Variants in LRRTM3 observed in about 807,000 individuals in gnomAD.
The protein encoded by LRRTM3 is leucine-rich repeat transmembrane neuronal protein 3.
LRRTM3 carries 24 observed loss-of-function variants against 44.7 expected under a neutral mutation model. The observed-to-expected ratio is 0.54, with a 90% CI of 0.39 to 0.76. LRRTM3 has a LOEUF of 0.76. LRRTM3 is among the 30% of genes least tolerant of loss of function. The probability of loss-of-function intolerance (pLI) is 0.00; values close to 1 mark genes in which losing one functional copy is unlikely to be tolerated. For synonymous variants in LRRTM3, 277 were observed against 278.7 expected (o/e 0.99, Z 0.06); for missense variants, 587 against 702.2 (o/e 0.84, Z 1.85).
At chr10:67,017,441 C>A (rs1852725692) in intron 2 of LRRTM3, among the ~76,000 whole-genome samples, 1 of 152,258 alleles carries the variant, frequency 6.6e-6, no homozygotes. Context: ...AAAAAGAAAT[C>A]TACTCTGTGA....
intron 2 of LRRTM3, among the ~76,000 whole-genome samples, chr10:67,018,502 G>A (rs1346694673): frequency 6.6e-6 from 1 of 152,304 alleles, no homozygotes; most frequent in African/African-American, 2.4e-5. Context: ...TTATAAACAT[G>A]TTTGGGAACA....
chr10:67,072,252 CCTGT>C (rs1227642572), intron 2 of LRRTM3, among the ~76,000 whole-genome samples: 21 of 152,180 alleles, frequency 1.4e-4, no homozygotes, highest in African/African-American at 5.1e-4. Context: ...CCATGCCCAA[CCTGT>C]TTGATTATTT....
chr10:67,006,679 C>A (rs1020609007), intron 2 of LRRTM3, among the ~76,000 whole-genome samples: 6 of 152,084 alleles, frequency 3.9e-5, no homozygotes, highest in Admixed American at 6.6e-5. Flanking sequence ...ATGATGCCAT[C>A]AGCACACTAT....
intron 2 of LRRTM3, among the ~76,000 whole-genome samples, chr10:66,951,226 C>T (rs1244849393): frequency 1.3e-5 from 2 of 151,878 alleles, no homozygotes; most frequent in African/African-American, 4.8e-5. Context: ...AGCGATTCTC[C>T]TGCCTCAGCC....
At chr10:66,974,976 A>G (rs1008398228) in intron 2 of LRRTM3, among the ~76,000 whole-genome samples, 1 of 152,202 alleles carries the variant, frequency 6.6e-6, no homozygotes, top group African/African-American at 2.4e-5. Context: ...TAAAATCCAC[A>G]GATGCAATTC....
rs567607313 is a variant in LRRTM3, at chr10:66,927,923, A to C, written c.1007A>C (p.Asn336Thr). ...AAAAGTTTTAAAGGTCTAAGGGAGA[A>C]TACAATTATCTGTGCCAGTCCCAAA... ...WLKSFKGLRE[N>T]TIICASPKEL... Residue 336 changes from asparagine (N) to threonine (T), a missense_variant, in exon 2 of 3, where the codon AAT becomes ACT. Transcript: ENST00000361320. This position sits in a 1 kb window ranked among gnomAD's most constrained non-coding sequence, Gnocchi z 4.7. The C allele has an allele frequency of 1.7e-4, 277 of 1,614,248 alleles. 3 individuals carry two copies. In the South Asian group the frequency reaches 2.6e-3, roughly 15 times the overall value.
intron 2 of LRRTM3, among the ~76,000 whole-genome samples, chr10:66,944,711 T>C (rs982896343): frequency 6.6e-6 from 1 of 152,214 alleles, no homozygotes; most frequent in Non-Finnish European, 1.5e-5. Context: ...AAGAGACTTA[T>C]AAAAGGTATT....
At chr10:66,973,090 T>C (rs1849818155) in intron 2 of LRRTM3, among the ~76,000 whole-genome samples, 1 of 152,242 alleles carries the variant, frequency 6.6e-6, no homozygotes, top group Non-Finnish European at 1.5e-5. Flanking sequence ...CTTTTTTTAT[T>C]GCTTCTCAGC....
rs140047073 is a variant in LRRTM3, at chr10:67,070,286, G to A, written c.1537-27301G>A. On this transcript the variant is annotated intron_variant, in intron 2 of 2. Coordinates refer to ENST00000361320, the MANE Select transcript of LRRTM3 (RefSeq NM_178011.5). The stretch of plus-strand genomic sequence containing the variant: ...CTTTTTTATTTGCAGGAGTTCTTAT[G>A]TAATCTGAATGAGTCATTTGTCAGA... Among the ~76,000 whole-genome samples the A allele has an allele frequency of 5.9e-5, 9 of 152,118 alleles. No individual in the cohort carries two copies. The East Asian group carries it at 1.3e-3, about 23-fold the overall frequency.
chr10:67,045,734 G>GC (rs1288864772), intron 2 of LRRTM3, among the ~76,000 whole-genome samples: 2 of 152,074 alleles, frequency 1.3e-5, no homozygotes, highest in Admixed American at 6.5e-5. Context: ...ACCAGCCAAG[G>GC]CCCCCCTCTG....
At chr10:67,014,318 T>C (rs59102106) in intron 2 of LRRTM3, among the ~76,000 whole-genome samples, 1 of 152,130 alleles carries the variant, frequency 6.6e-6, no homozygotes, top group South Asian at 2.1e-4. Flanking sequence ...TTTATGTCAT[T>C]CTGTTTTGTT....
chr10:66,929,730 G>A (rs1847265198), intron 2 of LRRTM3, among the ~76,000 whole-genome samples: 1 of 152,206 alleles, frequency 6.6e-6, no homozygotes, highest in African/African-American at 2.4e-5. Context: ...GTTCTGTACA[G>A]ACCCTGTTGG....
At chr10:67,042,795 A>G (rs1193468279) in intron 2 of LRRTM3, among the ~76,000 whole-genome samples, 2 of 152,192 alleles carry the variant, frequency 1.3e-5, no homozygotes, top group African/African-American at 4.8e-5. Flanking sequence ...CCATGGTGTC[A>G]GTTGTCAATG....
chr10:67,088,093 G>T (rs1032249719), intron 2 of LRRTM3, among the ~76,000 whole-genome samples: 3 of 151,808 alleles, frequency 2.0e-5, no homozygotes, highest in Non-Finnish European at 4.4e-5. Context: ...AAGAGTGAGA[G>T]AGTAAGTGAG....
intron 2 of LRRTM3, among the ~76,000 whole-genome samples, chr10:67,042,466 T>C (rs1854457138): frequency 6.6e-6 from 1 of 152,158 alleles, no homozygotes. Context: ...AGCATGTAGA[T>C]TTTTAGATCT....
chr10:66,980,253 C>T (rs988918297), intron 2 of LRRTM3, among the ~76,000 whole-genome samples: 6 of 152,212 alleles, frequency 3.9e-5, no homozygotes, highest in Admixed American at 1.3e-4. Flanking sequence ...TTAGAGACCA[C>T]TGTGTTCCTT....
chr10:66,926,327 A>T lies in LRRTM3; in HGVS notation c.-257A>T, dbSNP rs916767821. ...GTAAAGATGCAAAAACGTAATATCCATGAAGATCCTATTACCTAGGAAGAT... is the reference window on the plus strand; with the variant it reads ...GTAAAGATGCAAAAACGTAATATCCTTGAAGATCCTATTACCTAGGAAGAT... On this transcript the variant is annotated 5_prime_UTR_variant, in exon 1 of 3. An upstream start codon of the reference 5' UTR is lost. Coordinates refer to ENST00000361320, the MANE Select transcript of LRRTM3 (RefSeq NM_178011.5). 1.8e-6 allele frequency: 1 copy of T among 548,918 alleles called. No homozygotes were observed. Among genetic ancestry groups the T allele is most frequent in the Non-Finnish European group, 3.3e-6 (1 of 305,644 alleles). The allele number at this position is 548,918 out of a possible 1,614,324, so 34.0% of individuals were successfully genotyped here.
At chr10:66,935,968 A>G (rs1187967972) in intron 2 of LRRTM3, among the ~76,000 whole-genome samples, 1 of 152,100 alleles carries the variant, frequency 6.6e-6, no homozygotes, top group African/African-American at 2.4e-5. Flanking sequence ...ATAATTTCCG[A>G]TGATTTACCA....
At chr10:67,062,675 A>C (rs955857873) in intron 2 of LRRTM3, among the ~76,000 whole-genome samples, 1 of 152,310 alleles carries the variant, frequency 6.6e-6, no homozygotes, top group South Asian at 2.1e-4. Context: ...TCAATTCTGC[A>C]TCATCTCTGC....
Sources: allele counts gnomAD v4.1 joint callset (sites outside exome capture counted in the v4.1 genomes callset), GRCh38; gene constraint gnomAD v4.1.1; non-coding constraint Gnocchi (gnomAD v3.1); transcripts MANE v1.5; gene names NCBI Gene and HGNC (gene_info 2026-07-23, HGNC 2026-07-21).